FAM171A1: variants seen among roughly 807,000 people sequenced by gnomAD.
FAM171A1 encodes the protein protein FAM171A1.
A neutral mutation model predicts 74.9 loss-of-function variants in FAM171A1; 23 were observed. The ratio of observed to expected loss-of-function variants is 0.31; its 90% CI spans 0.22 to 0.44. The LOEUF is 0.44. Ranked by LOEUF, FAM171A1 falls within the 20% of genes least tolerant of loss-of-function variation. The pLI is 1.00. For missense variants in FAM171A1, 1,162 were observed against 1,159.2 expected, an observed-to-expected ratio of 1.00 and a Z score of -0.03; for synonymous variants, 527 against 505.7, an observed-to-expected ratio of 1.04 and a Z score of -0.57.
intron 3 of FAM171A1, among the ~76,000 whole-genome samples, chr10:15,263,453 C>A (rs1564626491): frequency 1.3e-5 from 2 of 152,216 alleles, no homozygotes; most frequent in East Asian, 3.9e-4. Flanking sequence ...TACGAGTGTT[C>A]TCTCTTTCCA....
intron 5 of FAM171A1, among the ~76,000 whole-genome samples, chr10:15,243,636 C>CA (rs943528158): frequency 1.3e-5 from 2 of 151,810 alleles, no homozygotes; most frequent in African/African-American, 4.8e-5. Context: ...AAAGAGAAGG[C>CA]AAAAATGAGA....
intron 1 of FAM171A1, among the ~76,000 whole-genome samples, chr10:15,358,652 C>G (rs1444974062): frequency 6.6e-6 from 1 of 152,200 alleles, no homozygotes; most frequent in Non-Finnish European, 1.5e-5. Flanking sequence ...TTTGTGGGAG[C>G]TTCTTATCTC....
chr10:15,259,159 CCTAT>C, intron 3 of FAM171A1, among the ~76,000 whole-genome samples: 1 of 152,204 alleles, frequency 6.6e-6, no homozygotes, highest in East Asian at 1.9e-4. Flanking sequence ...CATCATTCTC[CCTAT>C]CTATCATCCT....
chr10:15,360,422 T>C (rs1835980230), intron 1 of FAM171A1, among the ~76,000 whole-genome samples: 1 of 152,268 alleles, frequency 6.6e-6, no homozygotes, highest in Non-Finnish European at 1.5e-5. Context: ...TTCCTTAACA[T>C]GCTTCCCTTT....
chr10:15,293,723 G>A (rs955891965), intron 1 of FAM171A1, among the ~76,000 whole-genome samples: 5 of 152,306 alleles, frequency 3.3e-5, no homozygotes, highest in Middle Eastern at 6.8e-3. Flanking sequence ...AAGGGTCGTG[G>A]CTATCTGGGT....
At chr10:15,345,641 G>A in intron 1 of FAM171A1, among the ~76,000 whole-genome samples, 1 of 152,144 alleles carries the variant, frequency 6.6e-6, no homozygotes, top group East Asian at 1.9e-4. Context: ...CCATCCAGGA[G>A]GGGGCTGGGA....
intron 1 of FAM171A1, among the ~76,000 whole-genome samples, chr10:15,317,310 G>A (rs1170276877): frequency 6.6e-6 from 1 of 152,040 alleles, no homozygotes; most frequent in East Asian, 1.9e-4. Flanking sequence ...GCAGGCCAGG[G>A]GTCACTAACA....
In FAM171A1 at chr10:15,276,470, C is replaced by T. The variant is rs534225575; in HGVS notation, c.326-523G>A. The stretch of plus-strand genomic sequence containing the variant: ...TTGGGATTACAGGCGTGAGCCACTG[C>T]GCCCAGCCAGAAGTTTTCAGTAAAG... On this transcript the variant is annotated intron_variant, in intron 2 of 7. Transcript: ENST00000378116. 2.6e-5 allele frequency among the ~76,000 whole-genome samples: 4 copies of T among 152,300 alleles called. No individual in the cohort carries two copies. In the East Asian group the frequency reaches 5.8e-4, roughly 22 times the overall value.
chr10:15,348,318 T>A (rs1292834832), intron 1 of FAM171A1, among the ~76,000 whole-genome samples: 2 of 150,000 alleles, frequency 1.3e-5, no homozygotes, highest in Non-Finnish European at 3.0e-5. Context: ...TTTGGTTTAA[T>A]GTATAGACAG....
intron 4 of FAM171A1, among the ~76,000 whole-genome samples, chr10:15,252,836 C>G (rs2131764976): frequency 6.6e-6 from 1 of 152,262 alleles, no homozygotes; most frequent in Middle Eastern, 3.4e-3. Context: ...TGTTCGTTTT[C>G]CCCCATTTTC....
chr10:15,272,497 A>G lies in FAM171A1; in HGVS notation c.418+3358T>C, dbSNP rs190602160. 9.0e-3 allele frequency among the ~76,000 whole-genome samples: 1,378 copies of G among 152,322 alleles called. 20 individuals are homozygous for G. Among genetic ancestry groups the G allele is most frequent in the African/African-American group, 0.032 (1,310 of 41,574 alleles). ...AGACAGATCAACGAGACAGAAAGTT[A>G]AAAAGGATATCCAGGACTTGAACTC... On this transcript the variant is annotated intron_variant, in intron 3 of 7. Transcript: ENST00000378116.
At chr10:15,221,904 T>A (rs1428674416) in intron 5 of FAM171A1, among the ~76,000 whole-genome samples, 1 of 152,120 alleles carries the variant, frequency 6.6e-6, no homozygotes, top group African/African-American at 2.4e-5. Flanking sequence ...TCCCAGCATT[T>A]GATTGCATTT....
chr10:15,333,092 A>G (rs1397335342), intron 1 of FAM171A1, among the ~76,000 whole-genome samples: 3 of 151,854 alleles, frequency 2.0e-5, no homozygotes, highest in African/African-American at 7.3e-5. Context: ...GTCCACAGCT[A>G]CTCTCCTTAC....
intron 5 of FAM171A1, among the ~76,000 whole-genome samples, chr10:15,221,925 A>AAG (rs1834043766): frequency 6.6e-6 from 1 of 152,120 alleles, no homozygotes; most frequent in Non-Finnish European, 1.5e-5. Context: ...TTACTTTGTG[A>AAG]AGTTTCTAGG....
chr10:15,246,713 G>C (rs1176620020), intron 5 of FAM171A1, among the ~76,000 whole-genome samples: 1 of 152,178 alleles, frequency 6.6e-6, no homozygotes, highest in Non-Finnish European at 1.5e-5. Flanking sequence ...AGTAGAGATA[G>C]GGTTTCACCA....
chr10:15,331,451 T>C (rs1391622272), intron 1 of FAM171A1, among the ~76,000 whole-genome samples: 4 of 152,086 alleles, frequency 2.6e-5, no homozygotes, highest in East Asian at 3.9e-4. Flanking sequence ...CTCCCACCTA[T>C]GAACACAGAT....
chr10:15,330,441 A>C (rs1835614158), intron 1 of FAM171A1, among the ~76,000 whole-genome samples: 3 of 152,298 alleles, frequency 2.0e-5, no homozygotes, highest in Middle Eastern at 3.4e-3. Flanking sequence ...CAAGTAGAAG[A>C]GAAAAAGCAG....
At chr10:15,362,590 G>A (rs144429973) in intron 1 of FAM171A1, among the ~76,000 whole-genome samples, 18 of 152,344 alleles carry the variant, frequency 1.2e-4, no homozygotes, top group African/African-American at 1.9e-4. Context: ...CAGGAGTGGT[G>A]GCATGTGCCT....
upstream of FAM171A1, among the ~76,000 whole-genome samples, chr10:15,372,619 A>G (rs1836163088): frequency 6.9e-6 from 1 of 145,282 alleles, no homozygotes; most frequent in Non-Finnish European, 1.5e-5. Flanking sequence ...GATCGCTTGA[A>G]CCTGGGAGTG....
Sources: gnomAD v4.1 joint callset for allele counts (sites outside exome capture counted in the v4.1 genomes callset) on GRCh38, gnomAD v4.1.1 for gene constraint, MANE v1.5 for transcripts, NCBI Gene and HGNC (gene_info 2026-07-23, HGNC 2026-07-21) for gene names.